MECOM: variants seen among roughly 807,000 people sequenced by gnomAD.
MECOM encodes histone-lysine N-methyltransferase MECOM.
In MECOM, 13 loss-of-function variants were observed where a neutral mutation model predicts 116.3. That is an observed-to-expected ratio of 0.11 (90% confidence interval 0.07 to 0.18). MECOM has a LOEUF of 0.18. Among genes scored for constraint, MECOM ranks in the 10% least tolerant of loss-of-function variants. The probability of loss-of-function intolerance (pLI) is 1.00; values close to 1 mark genes in which losing one functional copy is unlikely to be tolerated. For synonymous variants in MECOM, 528 were observed against 535.2 expected, an observed-to-expected ratio of 0.99 and a Z score of 0.19; for missense variants, 1,299 against 1,509.0, an observed-to-expected ratio of 0.86 and a Z score of 2.31.
At chr3:169,213,076 T>C (rs75716646) in intron 2 of MECOM, among the ~76,000 whole-genome samples, 15,521 of 149,220 alleles carry the variant, frequency 0.1, 970 homozygotes, top group African/African-American at 0.18. Context: ...TCTTTCTTTT[T>C]TATTTTTTTT....
At chr3:169,279,558 T>C (rs921464302) in intron 2 of MECOM, among the ~76,000 whole-genome samples, 5 of 152,166 alleles carry the variant, frequency 3.3e-5, no homozygotes, top group African/African-American at 1.2e-4. Context: ...TTCCTGATAA[T>C]AGAAAAGCTA....
At chr3:169,488,682 C>T (rs541465165) in intron 1 of MECOM, among the ~76,000 whole-genome samples, 2 of 151,914 alleles carry the variant, frequency 1.3e-5, no homozygotes, top group Non-Finnish European at 1.5e-5. Context: ...TAACACAACT[C>T]ATGTTTAGAA....
chr3:169,314,070 C>T (rs1719291105), intron 2 of MECOM, among the ~76,000 whole-genome samples: 1 of 152,206 alleles, frequency 6.6e-6, no homozygotes, highest in Non-Finnish European at 1.5e-5. Flanking sequence ...ACTTCTCATA[C>T]TGTATGATCT....
intron 1 of MECOM, among the ~76,000 whole-genome samples, chr3:169,624,537 A>G (rs1771121166): frequency 6.6e-6 from 1 of 152,244 alleles, no homozygotes; most frequent in Non-Finnish European, 1.5e-5. Flanking sequence ...CTGAAAGGCC[A>G]GTCCACGGAA....
At chr3:169,261,127 G>A (rs1007378515) in intron 2 of MECOM, among the ~76,000 whole-genome samples, 1 of 152,104 alleles carries the variant, frequency 6.6e-6, no homozygotes, top group Non-Finnish European at 1.5e-5. Context: ...AAAGTTAATA[G>A]CCTCTGTTTG....
chr3:169,416,844 C>G (rs1433022275), intron 1 of MECOM, among the ~76,000 whole-genome samples: 2 of 152,082 alleles, frequency 1.3e-5, no homozygotes, highest in East Asian at 3.9e-4. Flanking sequence ...CTGACAAAAA[C>G]AAGCAATGGG....
At chr3:169,554,203 G>A (rs995684034) in intron 1 of MECOM, among the ~76,000 whole-genome samples, 11 of 152,284 alleles carry the variant, frequency 7.2e-5, no homozygotes, top group Admixed American at 2.6e-4. Flanking sequence ...GAAGCCTCAT[G>A]GTAAAAGTGA....
intron 1 of MECOM, among the ~76,000 whole-genome samples, chr3:169,435,745 C>T (rs932143028): frequency 6.6e-6 from 1 of 152,164 alleles, no homozygotes; most frequent in Non-Finnish European, 1.5e-5. Flanking sequence ...TTTAGAACGA[C>T]TTGTGCTTCT....
In MECOM at chr3:169,332,195, G is replaced by A. The variant is rs181686878; in HGVS notation, c.375+48992C>T. 5.9e-3 allele frequency among the ~76,000 whole-genome samples: 901 copies of A among 152,218 alleles called. 2 individuals are homozygous for A. Among genetic ancestry groups the A allele is most frequent in the Non-Finnish European group, 9.6e-3 (655 of 68,004 alleles). On this transcript the variant is annotated intron_variant, in intron 2 of 16. Transcript: ENST00000651503. ...AAGTCACATTACTAGGACATAGGTA[G>A]GACCTTGTCCTAGAGAGTCTGGGGC...
At chr3:169,114,740 A>G (rs888814265) in intron 8 of MECOM, among the ~76,000 whole-genome samples, 5 of 152,216 alleles carry the variant, frequency 3.3e-5, no homozygotes, top group Non-Finnish European at 5.9e-5. Context: ...TATTGCCAAA[A>G]AGGCCTTTTA....
At chr3:169,616,019 C>T (rs375242014) in intron 1 of MECOM, among the ~76,000 whole-genome samples, 8 of 152,152 alleles carry the variant, frequency 5.3e-5, no homozygotes, top group African/African-American at 9.7e-5. Flanking sequence ...GAGAATGGCC[C>T]AGCCAGCCAG....
intron 1 of MECOM, among the ~76,000 whole-genome samples, chr3:169,417,258 C>T (rs371891784): frequency 0.18 from 26,077 of 148,576 alleles, 2,812 homozygotes; most frequent in East Asian, 0.25. Flanking sequence ...AACAAATTTA[C>T]AAGAAAAAAA....
chr3:169,441,878 C>T (rs1163507667), intron 1 of MECOM, among the ~76,000 whole-genome samples: 3 of 147,104 alleles, frequency 2.0e-5, no homozygotes, highest in Non-Finnish European at 4.5e-5. Flanking sequence ...TTACAGGCAC[C>T]CACCACCACG....
intron 2 of MECOM, among the ~76,000 whole-genome samples, chr3:169,334,327 C>G (rs1723241162): frequency 6.6e-6 from 1 of 152,114 alleles, no homozygotes; most frequent in Non-Finnish European, 1.5e-5. Context: ...TAATTGGGTT[C>G]AAATTAACAC....
chr3:169,115,456 C>T lies in MECOM; in HGVS notation c.2416G>A (p.Glu806Lys), dbSNP rs771184600. Residue 806 changes from glutamate (E) to lysine (K), a missense_variant, in exon 8 of 17, where the codon GAA becomes AAA. Glu to Lys is a moderately conservative substitution (Grantham distance 56). Transcript: ENST00000651503. Reference protein sequence around the residue: ...VFGGKKGSNVESRPASDGSLQ... With the variant: ...VFGGKKGSNVKSRPASDGSLQ... ...GAACCATCTGAAGCAGGTCTTGATT[C>T]GACGTTGCTTCCTTTTTTTCCCCCA... 3.1e-6 allele frequency: 5 copies of T among 1,614,144 alleles called. No homozygotes were observed. The highest frequency in any genetic ancestry group is 2.2e-5 in the South Asian group (2 of 91,072).
rs56270349 is a variant in MECOM, at chr3:169,659,440, A to ATTTTTTTTTTT, written c.37+3885_37+3895dup. On this transcript the variant is annotated intron_variant, in intron 1 of 16. Coordinates refer to ENST00000651503, the MANE Select transcript of MECOM (RefSeq NM_004991.4). ...GTAATTAACCTTCCCCTAAACACAG[A>ATTTTTTTTTTT]TTTTTTTTTTTTTTTTTTTTTTTTT... 1.1e-3 allele frequency among the ~76,000 whole-genome samples: 67 copies of ATTTTTTTTTTT among 62,142 alleles called. 12 individuals are homozygous for ATTTTTTTTTTT. The highest frequency in any genetic ancestry group is 5.0e-3 in the Admixed American group (18 of 3,636). The allele number at this position is 62,142 out of a possible 152,430, so 40.8% of individuals were successfully genotyped here. A position where few individuals can be genotyped will look rare whatever the true frequency, so the allele number is the denominator to read the frequency against.
intron 2 of MECOM, among the ~76,000 whole-genome samples, chr3:169,215,330 CA>C (rs1390145799): frequency 2.0e-5 from 3 of 148,326 alleles, no homozygotes; most frequent in Admixed American, 6.8e-5. Flanking sequence ...AGAAATGGAA[CA>C]CAAAGATAAA....
chr3:169,083,610 T>G lies in MECOM; in HGVS notation c.*1299A>C, dbSNP rs1207720534. ...AAGCATTTGAAGAAAGTACCTCAAC[T>G]TGCTGATTATTTCAAAATGAGATTA... is the stretch of plus-strand genomic sequence containing the variant. On this transcript the variant is annotated 3_prime_UTR_variant, in exon 17 of 17. Coordinates refer to ENST00000651503, the MANE Select transcript of MECOM (RefSeq NM_004991.4). The G allele has an allele frequency of 2.6e-5, 5 of 194,394 alleles. No homozygotes were observed. In the Admixed American group the frequency reaches 3.1e-4, roughly 12 times the overall value. 12.0% of individuals were successfully genotyped at this position (194,394 alleles called of 1,614,324 possible). A position where few individuals can be genotyped will look rare whatever the true frequency, so the allele number is the denominator to read the frequency against.
intron 1 of MECOM, among the ~76,000 whole-genome samples, chr3:169,521,752 C>T (rs1757373421): frequency 6.6e-6 from 1 of 152,194 alleles, no homozygotes; most frequent in African/African-American, 2.4e-5. Flanking sequence ...GTTTGAGAAA[C>T]ACTGCTCCAG....
Sources: gnomAD v4.1 joint callset for allele counts (sites outside exome capture counted in the v4.1 genomes callset) on GRCh38, gnomAD v4.1.1 for gene constraint, MANE v1.5 for transcripts, NCBI Gene and HGNC (gene_info 2026-07-23, HGNC 2026-07-21) for gene names.